The following YARS1 variants were observed in gnomAD, a reference collection of about 807,000 sequenced individuals.
The protein encoded by YARS1 is tyrosine--tRNA ligase, cytoplasmic.
YARS1 carries 36 observed loss-of-function variants against 62.2 expected under a neutral mutation model. That is an observed-to-expected ratio of 0.58 (90% confidence interval 0.44 to 0.76). The LOEUF is 0.76. YARS1 is among the 30% of genes least tolerant of loss of function. The pLI is 0.00. For missense variants in YARS1, 524 were observed against 639.8 expected, an observed-to-expected ratio of 0.82 and a Z score of 1.95; for synonymous variants, 234 against 244.9, an observed-to-expected ratio of 0.96 and a Z score of 0.42.
At chr1:32,783,193 C>A (rs1653116037) in intron 8 of YARS1, 1 of 153,646 alleles carries the variant, frequency 6.5e-6, no homozygotes, top group Non-Finnish European at 1.4e-5. Flanking sequence ...AAGCTAACAA[C>A]AGCTATATCT....
At chr1:32,789,729 C>A (rs975509351) in intron 6 of YARS1, among the ~76,000 whole-genome samples, 1 of 151,614 alleles carries the variant, frequency 6.6e-6, no homozygotes, top group Non-Finnish European at 1.5e-5. Flanking sequence ...GCTGGGATTA[C>A]AGGTGCATGC....
At chr1:32,809,518 G>A (rs1298494869) in intron 3 of YARS1, among the ~76,000 whole-genome samples, 1 of 152,000 alleles carries the variant, frequency 6.6e-6, no homozygotes, top group Non-Finnish European at 1.5e-5. Context: ...TTACAGATGT[G>A]AGCCACCCTG....
chr1:32,780,329 C>T, intron 10 of YARS1, 51 bp from the exon 11 acceptor site: 2 of 1,607,388 alleles, frequency 1.2e-6, no homozygotes, highest in Non-Finnish European at 8.5e-7. Context: ...ATTAGAGAAG[C>T]AGCCTGGTGA....
rs1381663611 is a variant in YARS1 at position 32,786,950 on chromosome 1, G to A, written c.810C>T (p.Pro270=). The change falls in exon 7 of 13, where the codon CCC becomes CCT. Residue 270 remains proline (P), a synonymous_variant. Coordinates refer to ENST00000373477, the MANE Select transcript of YARS1 (RefSeq NM_003680.4). ...VLSFIKHVLF[P]LKSEFVILRD... ...AACAGAGAGTGTTACCGGACTTAAGGGGAAAAAGGACATGCTTGATGAAGG... is the reference window on the plus strand; with the variant it reads ...AACAGAGAGTGTTACCGGACTTAAGAGGAAAAAGGACATGCTTGATGAAGG... 1.2e-6 allele frequency: 2 copies of A among 1,614,044 alleles called. No homozygotes were observed. Among genetic ancestry groups the A allele is most frequent in the African/African-American group, 1.3e-5 (1 of 75,026 alleles).
intron 4 of YARS1, among the ~76,000 whole-genome samples, chr1:32,801,576 C>A (rs785418): frequency 0.17 from 26,355 of 151,908 alleles, 2,666 homozygotes; most frequent in African/African-American, 0.26. Context: ...TGTGGCAATT[C>A]CCTAAAATAA....
intron 11 of YARS1, 186 bp from the exon 12 acceptor site, chr1:32,779,709 G>C: frequency 1.4e-6 from 1 of 729,022 alleles, no homozygotes; most frequent in Non-Finnish European, 2.2e-6. Flanking sequence ...CATTAACCCA[G>C]GCTATACCAA....
chr1:32,799,764 A>AGAG (rs1418783021), intron 4 of YARS1, among the ~76,000 whole-genome samples: 1 of 152,218 alleles, frequency 6.6e-6, no homozygotes, highest in East Asian at 1.9e-4. Flanking sequence ...GACTAGGACT[A>AGAG]GAGGCTACCA....
At chr1:32,802,711 G>T (rs1210738667) in intron 4 of YARS1, among the ~76,000 whole-genome samples, 1 of 152,140 alleles carries the variant, frequency 6.6e-6, no homozygotes, top group Non-Finnish European at 1.5e-5. Context: ...TGAGGAGTAG[G>T]TCTCAAAAGT....
chr1:32,811,867 G>A (rs1569779938), intron 1 of YARS1, among the ~76,000 whole-genome samples: 1 of 152,188 alleles, frequency 6.6e-6, no homozygotes, highest in Non-Finnish European at 1.5e-5. Flanking sequence ...GCAGCTACCC[G>A]TAAACCAAAA....
chr1:32,782,141 A>G (rs886268447), intron 9 of YARS1: 1 of 528,292 alleles, frequency 1.9e-6, no homozygotes, highest in Non-Finnish European at 3.4e-6. Flanking sequence ...AGATTTAACA[A>G]ACAGACTAGA....
At chr1:32,808,584 A>G (rs1428095003) in intron 3 of YARS1, among the ~76,000 whole-genome samples, 1 of 152,068 alleles carries the variant, frequency 6.6e-6, no homozygotes, top group Non-Finnish European at 1.5e-5. Context: ...CATATCCCAA[A>G]TTTTCTTAAG....
intron 9 of YARS1, 61 bp from the exon 10 acceptor site, chr1:32,781,206 C>T: frequency 1.5e-6 from 2 of 1,324,070 alleles, no homozygotes; most frequent in Non-Finnish European, 2.2e-6. Flanking sequence ...AGCTGCTGAT[C>T]CCACCACGTT....
intron 5 of YARS1, 114 bp downstream of exon 5, chr1:32,797,649 A>G: frequency 5.3e-6 from 5 of 940,260 alleles, no homozygotes; most frequent in African/African-American, 1.6e-5. Flanking sequence ...CTGCAAAACA[A>G]GGAGAATATT....
intron 5 of YARS1, chr1:32,797,529 C>G: frequency 1.8e-6 from 1 of 568,398 alleles, no homozygotes; most frequent in Non-Finnish European, 3.1e-6. Context: ...TGGTTGTCAC[C>G]AGGCACATGG....
chr1:32,789,156 CCAAT>C (rs1271660324), intron 6 of YARS1, among the ~76,000 whole-genome samples: 1 of 152,092 alleles, frequency 6.6e-6, no homozygotes, highest in Non-Finnish European at 1.5e-5. Context: ...TATTATATTC[CCAAT>C]TATTAGTGGA....
chr1:32,802,189 C>A (rs991367104), intron 4 of YARS1, among the ~76,000 whole-genome samples: 4 of 152,004 alleles, frequency 2.6e-5, no homozygotes, highest in African/African-American at 9.7e-5. Context: ...CCTCGTGATC[C>A]GTCCGCCTCG....
chr1:32,777,927 ATTT>A (rs564916503), intron 12 of YARS1, among the ~76,000 whole-genome samples: 5 of 151,966 alleles, frequency 3.3e-5, no homozygotes, highest in Admixed American at 2.6e-4. Flanking sequence ...CAGGACTAGG[ATTT>A]TTTTTTCTCC....
At position 32,815,784 on chromosome 1, in the gene YARS1, G is replaced by T. The variant is rs118080042; in HGVS notation, c.57+1404C>A. On this transcript the variant is annotated intron_variant, in intron 1 of 12. Transcript: ENST00000373477. ...CTAGGAGTAGTGGGTAATAGGTAGC[G>T]TCTGCTAACGGGTGCAAGTTTTATT... Among the ~76,000 whole-genome samples the T allele has an allele frequency of 4.5e-4, 69 of 152,304 alleles. 1 individual carries two copies. In the East Asian group the frequency reaches 0.013, roughly 28 times the overall value.
intron 3 of YARS1, among the ~76,000 whole-genome samples, chr1:32,808,002 C>T (rs1008677897): frequency 6.6e-5 from 10 of 152,036 alleles, no homozygotes; most frequent in Non-Finnish European, 1.5e-4. Flanking sequence ...TTGATCTCAG[C>T]TCAAGTGATC....
Sources: gnomAD v4.1 joint callset for allele counts (sites outside exome capture counted in the v4.1 genomes callset) on GRCh38, gnomAD v4.1.1 for gene constraint, MANE v1.5 for transcripts, NCBI Gene and HGNC (gene_info 2026-07-23, HGNC 2026-07-21) for gene names.